BCL7C: variants seen among roughly 807,000 people sequenced by gnomAD.
BCL7C encodes the protein B-cell CLL/lymphoma 7 protein family member C.
BCL7C carries 8 observed loss-of-function variants against 26.2 expected under a neutral mutation model. The ratio of observed to expected loss-of-function variants is 0.30; its 90% CI spans 0.18 to 0.55. BCL7C has a LOEUF of 0.55. Ranked by LOEUF, BCL7C falls within the 20% of genes least tolerant of loss-of-function variation. BCL7C has a pLI of 0.93. For missense variants in BCL7C, 262 were observed against 298.5 expected, an observed-to-expected ratio of 0.88 and a Z score of 0.90; for synonymous variants, 90 against 116.5, an observed-to-expected ratio of 0.77 and a Z score of 1.47.
In BCL7C at chr16:30,846,199, A is replaced by AATTTATTTATTTATTT. The variant is rs748604975; in HGVS notation, c.529-11067_529-11052dup. On this transcript the variant is annotated intron_variant, in intron 5 of 5. Transcript: ENST00000380317. ...CACCACCATGCCTGGCTAATTTTAA[A>AATTTATTTATTTATTT]ATTTATTTATTTATTTATTTATTTA... Among the ~76,000 whole-genome samples, 1,187 of 131,444 alleles carry AATTTATTTATTTATTT rather than the reference A, an allele frequency of 9.0e-3. 13 individuals are homozygous for AATTTATTTATTTATTT. Among genetic ancestry groups the AATTTATTTATTTATTT allele is most frequent in the South Asian group, 0.026 (99 of 3,818 alleles). 86.2% of individuals were successfully genotyped at this position (131,444 alleles called of 152,430 possible).
rs2055059341 is a variant in BCL7C, at chr16:30,882,534, G to A, written c.528+6326C>T. On this transcript the variant is annotated intron_variant, in intron 5 of 5. Transcript: ENST00000380317. The stretch of plus-strand genomic sequence containing the variant: ...GCATCTGCCAGGCGAAGAGGGGAAG[G>A]GAGGGGCTTTCCTGGTGGAGCAGCC... 1.3e-5 allele frequency among the ~76,000 whole-genome samples: 2 copies of A among 152,194 alleles called. 1 individual carries two copies. Among genetic ancestry groups the A allele is most frequent in the South Asian group, 4.1e-4 (2 of 4,834 alleles).
chr16:30,836,009 T>C (rs1468328693), intron 5 of BCL7C, among the ~76,000 whole-genome samples: 1 of 151,390 alleles, frequency 6.6e-6, no homozygotes, highest in Non-Finnish European at 1.5e-5. Flanking sequence ...TCCCAGCACT[T>C]TGGGAGGCTG....
intron 5 of BCL7C, among the ~76,000 whole-genome samples, chr16:30,867,469 C>G (rs936298624): frequency 1.9e-4 from 29 of 151,996 alleles, no homozygotes; most frequent in Non-Finnish European, 3.2e-4. Context: ...CCTTGAGATG[C>G]GGGTGGTCTT....
chr16:30,841,930 G>A (rs1285418209), intron 5 of BCL7C, among the ~76,000 whole-genome samples: 2 of 142,202 alleles, frequency 1.4e-5, no homozygotes, highest in African/African-American at 2.6e-5. Flanking sequence ...ACTCCAGCCT[G>A]GGCCAAATGC....
intron 5 of BCL7C, among the ~76,000 whole-genome samples, chr16:30,846,312 G>T (rs781661376): frequency 6.6e-6 from 1 of 150,692 alleles, no homozygotes; most frequent in Non-Finnish European, 1.5e-5. Context: ...TGCAAGCTCC[G>T]CCTTCTGGGT....
At chr16:30,859,469 C>A (rs1386435262) in intron 5 of BCL7C, among the ~76,000 whole-genome samples, 3 of 152,138 alleles carry the variant, frequency 2.0e-5, no homozygotes, top group African/African-American at 7.2e-5. Flanking sequence ...CCTCTGAGCC[C>A]AAGCTAAGCC....
chr16:30,834,417 C>A lies in BCL7C; in HGVS notation c.*531G>T, dbSNP rs1318301767. 2 of 152,412 alleles carry A rather than the reference C, an allele frequency of 1.3e-5. No individual in the cohort carries two copies. The highest frequency in any genetic ancestry group is 1.9e-4 in the East Asian group (1 of 5,196). 9.4% of individuals were successfully genotyped at this position (152,412 alleles called of 1,614,324 possible). ...CGGCTTCTGCGCTGGGGTCTCTGCGCGTGCACGGGCCTCAACATATGCATG... is the reference window on the plus strand; with the variant it reads ...CGGCTTCTGCGCTGGGGTCTCTGCGAGTGCACGGGCCTCAACATATGCATG... On this transcript the variant is annotated 3_prime_UTR_variant, in exon 6 of 6. Coordinates refer to the BCL7C transcript ENST00000380317. This position sits in a 1 kb window ranked among gnomAD's most constrained non-coding sequence, Gnocchi z 4.3.
intron 5 of BCL7C, chr16:30,875,898 T>G (rs1446619779): frequency 1.3e-5 from 2 of 152,234 alleles, no homozygotes; most frequent in African/African-American, 4.8e-5. Context: ...TGGCTCCATT[T>G]TTTAGATGCG....
At chr16:30,841,135 A>T (rs1294994233) in intron 5 of BCL7C, among the ~76,000 whole-genome samples, 1 of 152,198 alleles carries the variant, frequency 6.6e-6, no homozygotes, top group Non-Finnish European at 1.5e-5. Flanking sequence ...TGACTTGAGG[A>T]AAGATGCCTG....
chr16:30,863,278 C>T (rs2054793749), intron 5 of BCL7C, among the ~76,000 whole-genome samples: 1 of 152,186 alleles, frequency 6.6e-6, no homozygotes, highest in Admixed American at 6.5e-5. Flanking sequence ...CACTGCTCTG[C>T]CCCTCTTCAC....
chr16:30,834,887 G>T lies in BCL7C; in HGVS notation c.*61C>A, dbSNP rs754262537. ...TTTCCGCCCTCGGGGCACAGGTAGT[G>T]GCTGGATCTTGGGGCAGCCAAGGGA... On this transcript the variant is annotated 3_prime_UTR_variant, in exon 6 of 6. Transcript: ENST00000380317. This position sits in a 1 kb window ranked among gnomAD's most constrained non-coding sequence, Gnocchi z 4.3. The T allele has an allele frequency of 1.2e-4, 164 of 1,421,316 alleles. No individual in the cohort carries two copies. Among genetic ancestry groups the T allele is most frequent in the Non-Finnish European group, 1.5e-4 (160 of 1,071,846 alleles). The allele number at this position is 1,421,316 out of a possible 1,614,324, so 88.0% of individuals were successfully genotyped here.
In BCL7C at chr16:30,894,066, G is replaced by T; in HGVS notation, c.-122C>A. 4.4e-6 allele frequency: 1 copy of T among 225,670 alleles called. No individual in the cohort carries two copies. The highest frequency in any genetic ancestry group is 7.7e-6 in the Non-Finnish European group (1 of 129,120). 14.0% of individuals were successfully genotyped at this position (225,670 alleles called of 1,614,324 possible). On this transcript the variant is annotated 5_prime_UTR_variant, in exon 1 of 6. Transcript: ENST00000215115. Reference sequence around the variant, plus strand: ...CCTGCCGTCCCCCCTGGAGTTGGCCGCGCCCTCTCTCGTCCCCAACGCCTC... The same window carrying T: ...CCTGCCGTCCCCCCTGGAGTTGGCCTCGCCCTCTCTCGTCCCCAACGCCTC...
chr16:30,892,023 T>C (rs1161309284), intron 4 of BCL7C, among the ~76,000 whole-genome samples: 1 of 151,242 alleles, frequency 6.6e-6, no homozygotes, highest in African/African-American at 2.4e-5. Context: ...TCCCAGCACT[T>C]TGGGAGGCTG....
chr16:30,877,636 T>C (rs2054970043), intron 5 of BCL7C, among the ~76,000 whole-genome samples: 1 of 150,126 alleles, frequency 6.7e-6, no homozygotes, highest in African/African-American at 2.5e-5. Context: ...AGATGGGGTT[T>C]CACCGTGTTA....
chr16:30,875,013 T>C (rs906382107), intron 5 of BCL7C, among the ~76,000 whole-genome samples: 1 of 152,062 alleles, frequency 6.6e-6, no homozygotes, highest in Non-Finnish European at 1.5e-5. Flanking sequence ...GTCTCCGGGG[T>C]TGCAGCGTAA....
chr16:30,873,932 C>T (rs984448500), intron 5 of BCL7C, among the ~76,000 whole-genome samples: 4 of 136,682 alleles, frequency 2.9e-5, no homozygotes, highest in African/African-American at 1.1e-4. Flanking sequence ...TCTCTATATA[C>T]ATATATATAT....
chr16:30,870,340 A>G (rs1261343373), intron 5 of BCL7C, among the ~76,000 whole-genome samples: 2 of 152,174 alleles, frequency 1.3e-5, no homozygotes, highest in East Asian at 3.8e-4. Context: ...TTCCTAAAAA[A>G]AAGGAAGCTT....
intron 5 of BCL7C, among the ~76,000 whole-genome samples, chr16:30,846,523 G>T (rs1474774227): frequency 1.3e-5 from 2 of 152,030 alleles, no homozygotes; most frequent in African/African-American, 4.8e-5. Context: ...CACTGCGCCC[G>T]GCTTAAAATT....
At chr16:30,889,050 G>A in intron 4 of BCL7C, 105 bp from the exon 5 acceptor site, 1 of 1,111,392 alleles carries the variant, frequency 9.0e-7, no homozygotes, top group Admixed American at 1.8e-5. Context: ...AGAGGGCAGA[G>A]GGCCATGGGA....
Sources: allele counts gnomAD v4.1 joint callset (sites outside exome capture counted in the v4.1 genomes callset), GRCh38; gene constraint gnomAD v4.1.1; non-coding constraint Gnocchi (gnomAD v3.1); transcripts MANE v1.5; gene names NCBI Gene and HGNC (gene_info 2026-07-23, HGNC 2026-07-21).